FERRY3: variants seen among roughly 807,000 people sequenced by gnomAD.
FERRY3 encodes the protein FERRY endosomal RAB5 effector complex subunit 3.
At chr12:4,534,178 T>G in the FERRY3 span, 80 of 1,609,084 alleles carry the variant, frequency 5.0e-5, 1 homozygote, top group South Asian at 7.7e-4. Context: ...CTTTGGCCCA[T>G]GTACTCGCCA....
chr12:4,492,899 G>C, the FERRY3 span, among the ~76,000 whole-genome samples: 5 of 152,020 alleles, frequency 3.3e-5, no homozygotes, highest in Admixed American at 3.3e-4. Context: ...GCTACTTTAA[G>C]CTTCTGTGAC....
the FERRY3 span, among the ~76,000 whole-genome samples, chr12:4,534,755 T>C: frequency 6.6e-6 from 1 of 152,228 alleles, no homozygotes; most frequent in East Asian, 1.9e-4. Flanking sequence ...CCAACTAAAA[T>C]GAAATCAGCT....
At chr12:4,496,083 C>T in the FERRY3 span, among the ~76,000 whole-genome samples, 2 of 152,224 alleles carry the variant, frequency 1.3e-5, no homozygotes, top group Non-Finnish European at 2.9e-5. Context: ...CAAACACACA[C>T]ACACATACGT....
chr12:4,518,905 TA>T, the FERRY3 span: 1 of 1,430,120 alleles, frequency 7.0e-7, no homozygotes, highest in African/African-American at 1.5e-5. Context: ...ATTATTGATA[TA>T]CTTTTATGTT....
the FERRY3 span, chr12:4,518,925 ACTTTT>A: frequency 7.6e-7 from 1 of 1,319,560 alleles, no homozygotes; most frequent in Non-Finnish European, 1.0e-6. Flanking sequence ...TTTGTCAAAA[ACTTTT>A]CTTAAAGGAA....
chr12:4,509,745 T>A, the FERRY3 span, among the ~76,000 whole-genome samples: 13 of 141,990 alleles, frequency 9.2e-5, 1 homozygote, highest in East Asian at 5.9e-4. Flanking sequence ...AAAACCCATC[T>A]GTACATCACC....
the FERRY3 span, chr12:4,489,753 A>C: frequency 1.7e-3 from 2,219 of 1,291,410 alleles, 1 homozygote; most frequent in Admixed American, 3.9e-3. Context: ...GCATAGCACA[A>C]GTTCCTGGAG....
At chr12:4,504,186 A>T in the FERRY3 span, among the ~76,000 whole-genome samples, 1 of 152,232 alleles carries the variant, frequency 6.6e-6, no homozygotes, top group African/African-American at 2.4e-5. Flanking sequence ...GGCTTAGGTT[A>T]AATGTAATGT....
the FERRY3 span, among the ~76,000 whole-genome samples, chr12:4,529,624 G>A: frequency 2.0e-5 from 3 of 152,122 alleles, no homozygotes; most frequent in Admixed American, 6.5e-5. Flanking sequence ...CCTCTTATTA[G>A]AGATAAGAAT....
At chr12:4,522,605 G>A in the FERRY3 span, among the ~76,000 whole-genome samples, 1 of 152,194 alleles carries the variant, frequency 6.6e-6, no homozygotes, top group African/African-American at 2.4e-5. Flanking sequence ...AAATAGTCTG[G>A]CAGTTTCTTC....
At chr12:4,513,701 CT>C in the FERRY3 span, among the ~76,000 whole-genome samples, 2 of 152,140 alleles carry the variant, frequency 1.3e-5, no homozygotes, top group Non-Finnish European at 2.9e-5. Context: ...ATGTAGAAAG[CT>C]GAAACTGGAT....
At chr12:4,514,811 C>T in the FERRY3 span, among the ~76,000 whole-genome samples, 52 of 151,712 alleles carry the variant, frequency 3.4e-4, no homozygotes, top group South Asian at 9.2e-3. Flanking sequence ...GTGGGTGCAG[C>T]GTGCCAGCAT....
the FERRY3 span, among the ~76,000 whole-genome samples, chr12:4,514,751 G>C: frequency 5.6e-5 from 7 of 124,982 alleles, no homozygotes; most frequent in African/African-American, 1.2e-4. Context: ...GTGGTGGGGT[G>C]GGGGGAGGGA....
the FERRY3 span, chr12:4,525,324 T>C: frequency 1.2e-6 from 2 of 1,613,690 alleles, no homozygotes; most frequent in Non-Finnish European, 1.7e-6. Context: ...TACTCTTGTT[T>C]TTGGATGGCA....
the FERRY3 span, among the ~76,000 whole-genome samples, chr12:4,528,615 A>G: frequency 3.9e-5 from 6 of 152,190 alleles, no homozygotes; most frequent in Admixed American, 6.5e-5. Flanking sequence ...AAGTATGAGA[A>G]TAAGTGGTCC....
At chr12:4,515,966 T>A in the FERRY3 span, among the ~76,000 whole-genome samples, 1 of 152,072 alleles carries the variant, frequency 6.6e-6, no homozygotes, top group Non-Finnish European at 1.5e-5. Context: ...AATTAAAAAA[T>A]TTTTTCCTGT....
At chr12:4,530,480 G>A in the FERRY3 span, among the ~76,000 whole-genome samples, 1 of 152,048 alleles carries the variant, frequency 6.6e-6, no homozygotes. Flanking sequence ...TAACTTGCAT[G>A]CATTAGTTAC....
chr12:4,526,301 T>C, the FERRY3 span, among the ~76,000 whole-genome samples: 1 of 152,302 alleles, frequency 6.6e-6, no homozygotes, highest in South Asian at 2.1e-4. Context: ...AATGGTTACA[T>C]GGTCGTGCTT....
At chr12:4,536,086 G>C in the FERRY3 span, 7 of 1,609,626 alleles carry the variant, frequency 4.3e-6, no homozygotes, top group South Asian at 4.4e-5. Context: ...GCATTCTCTT[G>C]AACAGGAAAT....
Sources: gnomAD v4.1 joint callset for allele counts (sites outside exome capture counted in the v4.1 genomes callset) on GRCh38, gnomAD v4.1.1 for gene constraint, MANE v1.5 for transcripts, NCBI Gene and HGNC (gene_info 2026-07-23, HGNC 2026-07-21) for gene names.